The following TADA2B variants were observed in gnomAD, a reference collection of about 807,000 sequenced individuals.
TADA2B encodes the protein transcriptional adaptor 2B.
In TADA2B, 13 loss-of-function variants were observed where a neutral mutation model predicts 34.5. The observed-to-expected ratio is 0.38, with a 90% CI of 0.25 to 0.60. TADA2B has a LOEUF of 0.60. TADA2B is among the 20% of genes least tolerant of loss of function. The pLI, the probability that TADA2B is intolerant of heterozygous loss-of-function variation, is 0.65. For missense variants in TADA2B, 442 were observed against 575.0 expected, an observed-to-expected ratio of 0.77 and a Z score of 2.37; for synonymous variants, 240 against 243.4, an observed-to-expected ratio of 0.99 and a Z score of 0.13.
At chr4:7,049,440 A>T (rs576765208) in intron 1 of TADA2B, among the ~76,000 whole-genome samples, 1 of 152,366 alleles carries the variant, frequency 6.6e-6, no homozygotes, top group South Asian at 2.1e-4. Flanking sequence ...TCTCTGTCAC[A>T]GTTAGCCTTA....
intron 1 of TADA2B, 40 bp downstream of exon 1, chr4:7,043,889 TGG>T (rs1723549756): frequency 1.4e-6 from 2 of 1,446,794 alleles, no homozygotes; most frequent in African/African-American, 2.9e-5. Context: ...GCTAGGGCAC[TGG>T]AAGGCCCGCG....
intron 1 of TADA2B, among the ~76,000 whole-genome samples, chr4:7,049,053 TA>T (rs1723701986): frequency 6.6e-6 from 1 of 151,608 alleles, no homozygotes; most frequent in South Asian, 2.1e-4. Context: ...GTCAAGTAAA[TA>T]AAAGTGGAAT....
Position 7,054,266 on chromosome 4 carries a change from G to A in TADA2B, c.475G>A (p.Ala159Thr). The change falls in exon 2 of 2, where the codon GCT becomes ACT. Residue 159 changes from alanine to threonine, a missense_variant. Around this residue, in one of 4 missense-constraint regions of TADA2B, gnomAD observed 222 missense variants for 235.2 expected, o/e 0.94. Coordinates refer to ENST00000310074, the MANE Select transcript of TADA2B (RefSeq NM_152293.3). The part of the protein sequence containing the change: ...TPLPPLDISV[A>T]EQQQLGYMPL... ...GCTGCCCCCGCTGGACATCTCTGTG[G>A]CTGAGCAGCAGCAGCTGGGCTACAT... 6.2e-7 allele frequency: 1 copy of A among 1,612,452 alleles called. No individual in the cohort carries two copies. Among genetic ancestry groups the A allele is most frequent in the Non-Finnish European group, 8.5e-7 (1 of 1,179,422 alleles).
intron 1 of TADA2B, among the ~76,000 whole-genome samples, chr4:7,051,845 C>T (rs1324552108): frequency 6.6e-6 from 1 of 152,238 alleles, no homozygotes; most frequent in East Asian, 1.9e-4. Flanking sequence ...GATCCGCCTG[C>T]CTCGGCCTCC....
chr4:7,050,337 A>T (rs186594840), intron 1 of TADA2B, among the ~76,000 whole-genome samples: 224 of 152,336 alleles, frequency 1.5e-3, no homozygotes, highest in Middle Eastern at 0.014. Context: ...CTGCTCCTTG[A>T]GAGCTCTGCC....
chr4:7,050,565 T>C (rs543900461), intron 1 of TADA2B, among the ~76,000 whole-genome samples: 1 of 150,656 alleles, frequency 6.6e-6, no homozygotes, highest in Admixed American at 6.6e-5. Flanking sequence ...CAGATGGGGG[T>C]GAGGAAAGGA....
chr4:7,047,917 C>A (rs1470673197), intron 1 of TADA2B, among the ~76,000 whole-genome samples: 1 of 152,210 alleles, frequency 6.6e-6, no homozygotes, highest in Non-Finnish European at 1.5e-5. Context: ...GACACGCGCC[C>A]CTCTCACCAT....
Position 7,054,626 on chromosome 4 carries a change from C to A in TADA2B, c.835C>A (p.His279Asn), listed in dbSNP as rs750881291. 4 of 1,613,806 alleles carry A rather than the reference C, an allele frequency of 2.5e-6. No individual in the cohort carries two copies. The highest frequency in any genetic ancestry group is 3.4e-6 in the Non-Finnish European group (4 of 1,179,848). Residue 279 changes from histidine to asparagine, a missense_variant, in exon 2 of 2, where the codon CAC (histidine) becomes AAC (asparagine). Physicochemically the swap from His to Asn is moderately conservative, Grantham distance 68. Around this residue, in one of 4 missense-constraint regions of TADA2B, gnomAD observed 222 missense variants for 235.2 expected, o/e 0.94. Transcript: ENST00000310074. ...GTTTGATGACCTTTTTGAAAACATG[C>A]ACAAAGAAAAAATGCTCCGGGCCAA... ...KEFDDLFENM[H>N]KEKMLRAKIR...
chr4:7,054,182 C>A lies in TADA2B; in HGVS notation c.391C>A (p.Arg131Ser). 1 of 1,606,198 alleles carries A rather than the reference C, an allele frequency of 6.2e-7. No homozygotes were observed. The highest frequency in any genetic ancestry group is 8.5e-7 in the Non-Finnish European group (1 of 1,176,478). ...KACIPDTIPN[R>S]VTDHTCPSGG... ...CTGCATCCCCGACACCATCCCCAAC[C>A]GCGTGACAGACCACACCTGTCCCAG... The change falls in exon 2 of 2, where the codon CGC (arginine) becomes AGC (serine). Residue 131 changes from arginine (R) to serine (S), a missense_variant. By Grantham distance (110) the Arg-to-Ser change is moderately radical. Around this residue, in one of 4 missense-constraint regions of TADA2B, gnomAD observed 222 missense variants for 235.2 expected, o/e 0.94. Transcript: ENST00000310074.
Position 7,043,750 on chromosome 4 carries a change from G to A in TADA2B, c.171G>A (p.Gly57=). ...RYHGYQLVDG[G]RFTLWGPEAE... is the part of the protein sequence containing the mutation. Reference sequence around the variant, plus strand: ...ACGGCTACCAGCTGGTGGACGGCGGGCGCTTCACGCTCTGGGGGCCCGAGG... The same window carrying A: ...ACGGCTACCAGCTGGTGGACGGCGGACGCTTCACGCTCTGGGGGCCCGAGG... Residue 57 remains glycine (G), a synonymous_variant, in exon 1 of 2, where the codon GGG becomes GGA. Transcript: ENST00000310074. 6.3e-7 allele frequency: 1 copy of A among 1,584,956 alleles called. No homozygotes were observed. The highest frequency in any genetic ancestry group is 8.5e-7 in the Non-Finnish European group (1 of 1,171,554).
rs748628690 is a variant in TADA2B at position 7,054,304 on chromosome 4, T to A, written c.513T>A (p.Asp171Glu). ...AGCTGGGCTACATGCCGCTGCGGGA[T>A]GATTACGAGATCGAGTATGACCAGG... ...QQQLGYMPLR[D>E]DYEIEYDQDA... is the part of the protein sequence containing the mutation. Residue 171 changes from aspartate to glutamate, a missense_variant, in exon 2 of 2, where the codon GAT becomes GAA. Around this residue, in one of 4 missense-constraint regions of TADA2B, gnomAD observed 222 missense variants for 235.2 expected, o/e 0.94. Transcript: ENST00000310074. 1.9e-6 allele frequency: 3 copies of A among 1,613,260 alleles called. No individual in the cohort carries two copies. Among genetic ancestry groups the A allele is most frequent in the Non-Finnish European group, 2.5e-6 (3 of 1,179,880 alleles).
chr4:7,054,620 A>G lies in TADA2B; in HGVS notation c.829A>G (p.Asn277Asp), dbSNP rs757583905. Reference sequence around the variant, plus strand: ...CAAGGAGTTTGATGACCTTTTTGAAAACATGCACAAAGAAAAAATGCTCCG... The same window carrying G: ...CAAGGAGTTTGATGACCTTTTTGAAGACATGCACAAAGAAAAAATGCTCCG... ...SCKEFDDLFE[N>D]MHKEKMLRAK... Residue 277 changes from asparagine to aspartate, a missense_variant, in exon 2 of 2, where the codon AAC (asparagine) becomes GAC (aspartate). Physicochemically the swap from Asn to Asp is conservative, Grantham distance 23. This residue lies in a region of TADA2B where 222 missense variants were observed against 235.2 expected (regional missense o/e 0.94). Transcript: ENST00000310074. 1 of 1,613,922 alleles carries G rather than the reference A, an allele frequency of 6.2e-7. No homozygotes were observed. Among genetic ancestry groups the G allele is most frequent in the Non-Finnish European group, 8.5e-7 (1 of 1,179,888 alleles).
chr4:7,051,672 A>G (rs1723772363), intron 1 of TADA2B, among the ~76,000 whole-genome samples: 1 of 150,674 alleles, frequency 6.6e-6, no homozygotes, highest in Non-Finnish European at 1.5e-5. Context: ...ATCTCAGCTC[A>G]CTGCAAGCTC....
In TADA2B at chr4:7,043,554, G is replaced by A; in HGVS notation, c.-26G>A. 2 of 1,215,430 alleles carry A rather than the reference G, an allele frequency of 1.6e-6. No individual in the cohort carries two copies. The highest frequency in any genetic ancestry group is 3.3e-5 in the East Asian group (1 of 30,452). 75.3% of individuals were successfully genotyped at this position (1,215,430 alleles called of 1,614,324 possible). A position where few individuals can be genotyped will look rare whatever the true frequency, so the allele number is the denominator to read the frequency against. ...GGGGGCGCGGCGGCTGCGGCGGGCCGGGCGGCGGGCGGCGAGCGGGGGAAG... is the reference window on the plus strand; with the variant it reads ...GGGGGCGCGGCGGCTGCGGCGGGCCAGGCGGCGGGCGGCGAGCGGGGGAAG... On this transcript the variant is annotated 5_prime_UTR_variant, in exon 1 of 2. Transcript: ENST00000310074.
chr4:7,051,363 G>A (rs1256755200), intron 1 of TADA2B, among the ~76,000 whole-genome samples: 1 of 152,174 alleles, frequency 6.6e-6, no homozygotes, highest in Admixed American at 6.5e-5. Flanking sequence ...GAGGAGCAAA[G>A]GGCACCTCCA....
At chr4:7,050,350 C>A (rs1018148285) in intron 1 of TADA2B, among the ~76,000 whole-genome samples, 1 of 152,260 alleles carries the variant, frequency 6.6e-6, no homozygotes, top group Non-Finnish European at 1.5e-5. Context: ...GCTCTGCCCG[C>A]TGAATGCCCT....
chr4:7,049,852 G>A (rs1261557841), intron 1 of TADA2B, among the ~76,000 whole-genome samples: 4 of 152,244 alleles, frequency 2.6e-5, no homozygotes. Context: ...GGCATCCCAC[G>A]CCTACCTTTG....
chr4:7,043,896 C>T (rs771022818), intron 1 of TADA2B, 47 bp downstream of exon 1: 40 of 1,437,854 alleles, frequency 2.8e-5, no homozygotes, highest in African/African-American at 5.9e-5. Context: ...CACTGGAAGG[C>T]CCGCGCCTCT....
At position 7,043,573 on chromosome 4, in the gene TADA2B, G is replaced by A. The variant is rs1003211868; in HGVS notation, c.-7G>A. ...CGGGCCGGGCGGCGGGCGGCGAGCG[G>A]GGGAAGATGGCGGAGCTGGGGAAGA... is the stretch of plus-strand genomic sequence containing the variant. On this transcript the variant is annotated 5_prime_UTR_variant, in exon 1 of 2. Transcript: ENST00000310074. 1.6e-6 allele frequency: 2 copies of A among 1,258,714 alleles called. No homozygotes were observed. Among genetic ancestry groups the A allele is most frequent in the African/African-American group, 1.5e-5 (1 of 65,018 alleles). The allele number at this position is 1,258,714 out of a possible 1,614,324, so 78.0% of individuals were successfully genotyped here. A position where few individuals can be genotyped will look rare whatever the true frequency, so the allele number is the denominator to read the frequency against.
Sources: gnomAD v4.1 joint callset for allele counts (sites outside exome capture counted in the v4.1 genomes callset) on GRCh38, gnomAD v4.1.1 for gene constraint, gnomAD v4.1.1 regional missense constraint, MANE v1.5 for transcripts, NCBI Gene and HGNC (gene_info 2026-07-23, HGNC 2026-07-21) for gene names.